PIEZO2: variants seen among roughly 807,000 people sequenced by gnomAD.
PIEZO2 encodes the protein piezo-type mechanosensitive ion channel component 2.
A neutral mutation model predicts 337.3 loss-of-function variants in PIEZO2; 172 were observed. The observed-to-expected ratio is 0.51, with a 90% CI of 0.45 to 0.58. The LOEUF is 0.58. Among genes scored for constraint, PIEZO2 ranks in the 20% least tolerant of loss-of-function variants. PIEZO2 has a pLI of 0.00. For synonymous variants in PIEZO2, 1,251 were observed against 1,228.5 expected (o/e 1.02, Z -0.38); for missense variants, 3,028 against 3,391.3 (o/e 0.89, Z 2.66).
At position 10,801,428 on chromosome 18, in the gene PIEZO2, G is replaced by T; in HGVS notation, c.1201C>A (p.Leu401Ile). ...TAGTCATCCTGGGTCATGGATAAAAGCTGCAAAAAGCAATGCGGGAAAGCA... is the reference window on the plus strand; with the variant it reads ...TAGTCATCCTGGGTCATGGATAAAATCTGCAAAAAGCAATGCGGGAAAGCA... ...ATHYPTDERK[L>I]LSMTQDDYKP... The change falls in exon 10 of 56, where the codon CTT (leucine) becomes ATT (isoleucine). Residue 401 changes from leucine to isoleucine, a missense_variant and splice_region_variant. This residue lies in a region of PIEZO2 where 542 missense variants were observed against 605.6 expected (regional missense o/e 0.89). Coordinates refer to ENST00000674853, the MANE Select transcript of PIEZO2 (RefSeq NM_001378183.1). 1.3e-6 allele frequency: 2 copies of T among 1,505,164 alleles called. No individual in the cohort carries two copies. The highest frequency in any genetic ancestry group is 1.8e-6 in the Non-Finnish European group (2 of 1,117,484). 93.2% of individuals were successfully genotyped at this position (1,505,164 alleles called of 1,614,324 possible).
At chr18:10,989,852 ATACTGG>A (rs2145545950) in intron 2 of PIEZO2, among the ~76,000 whole-genome samples, 1 of 152,316 alleles carries the variant, frequency 6.6e-6, no homozygotes, top group South Asian at 2.1e-4. Flanking sequence ...GAGAAACAAC[ATACTGG>A]TAGTAGAGTG....
Position 11,148,865 on chromosome 18 carries a change from T to G in PIEZO2, c.-277A>C. 1 of 397,240 alleles carries G rather than the reference T, an allele frequency of 2.5e-6. No individual in the cohort carries two copies. The highest frequency in any genetic ancestry group is 6.6e-4 in the Middle Eastern group (1 of 1,506). The allele number at this position is 397,240 out of a possible 1,614,324, so 24.6% of individuals were successfully genotyped here. A position where few individuals can be genotyped will look rare whatever the true frequency, so the allele number is the denominator to read the frequency against. On this transcript the variant is annotated 5_prime_UTR_variant, in exon 1 of 56. Coordinates refer to ENST00000674853, the MANE Select transcript of PIEZO2 (RefSeq NM_001378183.1). The surrounding 1 kb of genome is among the most constrained non-coding windows in gnomAD (Gnocchi z 5.2). ...CCCCCTGCGGCCGGCCCATTTAGTG[T>G]GAATCCTGGATCCGGCAGCGGCGGC...
chr18:10,963,694 C>G (rs547206605), intron 3 of PIEZO2, among the ~76,000 whole-genome samples: 127 of 152,296 alleles, frequency 8.3e-4, no homozygotes, highest in Non-Finnish European at 1.5e-3. Flanking sequence ...ACTACCGTAA[C>G]AAAAGCTATT....
chr18:10,823,055 G>C (rs1262467838), intron 7 of PIEZO2, among the ~76,000 whole-genome samples: 2 of 152,108 alleles, frequency 1.3e-5, no homozygotes, highest in African/African-American at 4.8e-5. Flanking sequence ...GATTCAGAAA[G>C]TATTTAAGAC....
Position 10,952,820 on chromosome 18 carries a change from C to T in PIEZO2, c.286+26715G>A, listed in dbSNP as rs1209454201. Reference sequence around the variant, plus strand: ...TCCCGCCAGAAATGTATTTGAATTCCAAGTGTTCTACATCTCCATATTTCC... The same window carrying T: ...TCCCGCCAGAAATGTATTTGAATTCTAAGTGTTCTACATCTCCATATTTCC... On this transcript the variant is annotated intron_variant, in intron 3 of 55. Transcript: ENST00000674853. This position sits in a 1 kb window ranked among gnomAD's most constrained non-coding sequence, Gnocchi z 4.1. Among the ~76,000 whole-genome samples the T allele has an allele frequency of 6.6e-6, 1 of 152,000 alleles. No individual in the cohort carries two copies. The highest frequency in any genetic ancestry group is 1.5e-5 in the Non-Finnish European group (1 of 67,998).
chr18:10,807,374 C>T, intron 7 of PIEZO2, 100 bp from the exon 8 acceptor site: 1 of 1,088,124 alleles, frequency 9.2e-7, no homozygotes, highest in Non-Finnish European at 1.3e-6. Context: ...GTGAGCTATT[C>T]CTAGGTTGAT....
chr18:10,672,729 T>C lies in PIEZO2; in HGVS notation c.8306A>G (p.Lys2769Arg). The C allele has an allele frequency of 6.2e-7, 1 of 1,614,040 alleles. No homozygotes were observed. Among genetic ancestry groups the C allele is most frequent in the Non-Finnish European group, 8.5e-7 (1 of 1,179,960 alleles). ...GAACCCCAGACTTGGGGGACTGACT[T>C]TGTCATTGAAGACCACCAGTTCCAG... ...QALELVVFND[K>R]VSPPSLGFLA... The change falls in exon 55 of 56, where the codon AAA becomes AGA. Residue 2769 changes from lysine to arginine, a missense_variant. By Grantham distance (26) the Lys-to-Arg change is conservative. This residue lies in a region of PIEZO2 where 332 missense variants were observed against 363.8 expected (regional missense o/e 0.91). Coordinates refer to ENST00000674853, the MANE Select transcript of PIEZO2 (RefSeq NM_001378183.1). This position sits in a 1 kb window ranked among gnomAD's most constrained non-coding sequence, Gnocchi z 4.7.
At chr18:11,141,784 G>A (rs931447184) in intron 1 of PIEZO2, among the ~76,000 whole-genome samples, 57 of 152,104 alleles carry the variant, frequency 3.7e-4, no homozygotes, top group Non-Finnish European at 7.5e-4. Context: ...CAGAGTTGGC[G>A]ACAATACTGA....
chr18:11,122,887 T>G (rs191998326), intron 1 of PIEZO2, among the ~76,000 whole-genome samples: 99 of 151,290 alleles, frequency 6.5e-4, no homozygotes, highest in South Asian at 8.3e-4. Flanking sequence ...AGGTTATATG[T>G]ATAATATATC....
Position 11,115,535 on chromosome 18 carries a change from C to A in PIEZO2, c.64+32990G>T, listed in dbSNP as rs1037011855. Among the ~76,000 whole-genome samples the A allele has an allele frequency of 2.6e-5, 4 of 152,070 alleles. No individual in the cohort carries two copies. The East Asian group carries it at 5.8e-4, about 22-fold the overall frequency. ...AGCATACAACCATCCAAGTAATAAC[C>A]ACAAAGCCTATGTATTGAGACAAAT... is the stretch of plus-strand genomic sequence containing the variant. On this transcript the variant is annotated intron_variant, in intron 1 of 55. Coordinates refer to ENST00000674853, the MANE Select transcript of PIEZO2 (RefSeq NM_001378183.1).
intron 5 of PIEZO2, among the ~76,000 whole-genome samples, chr18:10,864,234 C>G (rs1438139997): frequency 6.6e-6 from 1 of 152,172 alleles, no homozygotes; most frequent in Middle Eastern, 3.2e-3. Context: ...CTCCATCTAT[C>G]CCTCCCTCCA....
chr18:10,874,353 T>C (rs2042216616), intron 4 of PIEZO2, among the ~76,000 whole-genome samples: 1 of 152,140 alleles, frequency 6.6e-6, no homozygotes, highest in Non-Finnish European at 1.5e-5. Context: ...AACCCCTGTA[T>C]ACTGTTGGTG....
chr18:10,919,752 G>C (rs2031262556), intron 3 of PIEZO2, among the ~76,000 whole-genome samples: 1 of 151,986 alleles, frequency 6.6e-6, no homozygotes, highest in Non-Finnish European at 1.5e-5. Flanking sequence ...GATAATCCTT[G>C]ACTACAAGAT....
chr18:11,019,369 A>G (rs2036232786), intron 2 of PIEZO2, among the ~76,000 whole-genome samples: 1 of 152,202 alleles, frequency 6.6e-6, no homozygotes, highest in Non-Finnish European at 1.5e-5. Context: ...CTACCTTTCC[A>G]ACCTGGATAT....
intron 7 of PIEZO2, among the ~76,000 whole-genome samples, chr18:10,817,101 T>A (rs1421021069): frequency 6.6e-6 from 1 of 152,200 alleles, no homozygotes; most frequent in Non-Finnish European, 1.5e-5. Context: ...AAGTGATTTA[T>A]ATACACATTA....
intron 1 of PIEZO2, among the ~76,000 whole-genome samples, chr18:11,072,751 G>C (rs1568349585): frequency 1.3e-5 from 2 of 152,162 alleles, no homozygotes; most frequent in African/African-American, 4.8e-5. Context: ...AGTCTGTGCT[G>C]TCTTCAAGAA....
intron 3 of PIEZO2, among the ~76,000 whole-genome samples, chr18:10,935,052 T>C (rs1003140847): frequency 6.6e-6 from 1 of 152,196 alleles, no homozygotes; most frequent in Admixed American, 6.5e-5. Context: ...ACCACTATGC[T>C]ACAGGGTTGC....
chr18:10,885,727 C>T (rs747222490), intron 4 of PIEZO2, among the ~76,000 whole-genome samples: 4 of 152,122 alleles, frequency 2.6e-5, no homozygotes, highest in Admixed American at 6.5e-5. Flanking sequence ...GAACATAAGG[C>T]AAGTTATTTC....
intron 13 of PIEZO2, chr18:10,791,624 C>T (rs867051053): frequency 5.4e-5 from 12 of 220,776 alleles, no homozygotes; most frequent in South Asian, 4.4e-4. Context: ...AACAGGTGGT[C>T]TTCCTTGAGG....
Sources: gnomAD v4.1 joint callset for allele counts (sites outside exome capture counted in the v4.1 genomes callset) on GRCh38, gnomAD v4.1.1 for gene constraint, gnomAD v4.1.1 regional missense constraint, Gnocchi (gnomAD v3.1) non-coding constraint, MANE v1.5 for transcripts, NCBI Gene and HGNC (gene_info 2026-07-23, HGNC 2026-07-21) for gene names.